Variants in MARCHF1 observed in about 807,000 individuals in gnomAD.
The protein encoded by MARCHF1 is membrane associated ring-CH-type finger 1, also known as E3 ubiquitin-protein ligase MARCHF1.
MARCHF1 carries 40 observed loss-of-function variants against 54.2 expected under a neutral mutation model. The ratio of observed to expected loss-of-function variants is 0.74; its 90% confidence interval spans 0.57 to 0.96. The LOEUF is 0.96. Among genes scored for constraint, MARCHF1 ranks in the 40% least tolerant of loss-of-function variants. The pLI, the probability that MARCHF1 is intolerant of heterozygous loss-of-function variation, is 0.00. For missense variants in MARCHF1, 586 were observed against 656.5 expected, an observed-to-expected ratio of 0.89 and a Z score of 1.17; for synonymous variants, 236 against 236.3, an observed-to-expected ratio of 1.00 and a Z score of 0.01.
In MARCHF1 at chr4:163,620,600, CACACACAGAGAGAGAG is replaced by C. The variant is rs1415956392; in HGVS notation, c.163-7223_163-7208del. On this transcript the variant is annotated intron_variant, in intron 5 of 9. Transcript: ENST00000514618. Reference sequence around the variant, plus strand: ...ACACACACACACACACACACACACACACACACAGAGAGAGAGAGAGAGAGAGAGAGAGAGAGAGAGA... The same window carrying C: ...ACACACACACACACACACACACACACAGAGAGAGAGAGAGAGAGAGAGAGA... Among the ~76,000 whole-genome samples the C allele has an allele frequency of 2.3e-3, 180 of 76,828 alleles. 1 individual carries two copies. Among genetic ancestry groups the C allele is most frequent in the East Asian group, 0.015 (33 of 2,186 alleles). The allele number at this position is 76,828 out of a possible 152,430, so 50.4% of individuals were successfully genotyped here.
chr4:164,070,972 C>T (rs1354188534), intron 2 of MARCHF1, among the ~76,000 whole-genome samples: 3 of 152,158 alleles, frequency 2.0e-5, no homozygotes, highest in Admixed American at 6.5e-5. Flanking sequence ...TCTGCTTTTG[C>T]TTCTTTGTCA....
intron 3 of MARCHF1, among the ~76,000 whole-genome samples, chr4:163,942,753 C>T (rs560393820): frequency 6.6e-6 from 1 of 152,052 alleles, no homozygotes; most frequent in African/African-American, 2.4e-5. Context: ...TTACCTCCCC[C>T]GATCTTTTTA....
chr4:164,103,069 C>A (rs942238866), intron 2 of MARCHF1, among the ~76,000 whole-genome samples: 1 of 91,246 alleles, frequency 1.1e-5, no homozygotes, highest in East Asian at 2.3e-4. Context: ...AGCTAACTAT[C>A]CTAAATATAT....
chr4:163,966,060 T>C (rs1377711083), intron 3 of MARCHF1, among the ~76,000 whole-genome samples: 4 of 152,216 alleles, frequency 2.6e-5, no homozygotes, highest in Non-Finnish European at 5.9e-5. Flanking sequence ...GCTACTGTTA[T>C]AGATGGAACT....
At chr4:163,642,956 T>G (rs1255985703) in intron 5 of MARCHF1, among the ~76,000 whole-genome samples, 1 of 151,770 alleles carries the variant, frequency 6.6e-6, no homozygotes, top group Non-Finnish European at 1.5e-5. Flanking sequence ...TACATACATA[T>G]ACATATGTGT....
At chr4:164,089,071 T>G (rs540017098) in intron 2 of MARCHF1, among the ~76,000 whole-genome samples, 1 of 152,262 alleles carries the variant, frequency 6.6e-6, no homozygotes, top group Non-Finnish European at 1.5e-5. Context: ...TTTCTTACAG[T>G]CACTTAAATT....
At chr4:163,700,017 G>GT (rs1481913391) in intron 5 of MARCHF1, among the ~76,000 whole-genome samples, 2 of 149,218 alleles carry the variant, frequency 1.3e-5, no homozygotes, top group African/African-American at 4.9e-5. Context: ...CCAAACTGAT[G>GT]TTTTTATCAA....
intron 4 of MARCHF1, among the ~76,000 whole-genome samples, chr4:163,744,003 T>A (rs1746285438): frequency 6.6e-6 from 1 of 152,198 alleles, no homozygotes; most frequent in Non-Finnish European, 1.5e-5. Flanking sequence ...TAGTGAGAAG[T>A]GAGAAGTACT....
intron 2 of MARCHF1, among the ~76,000 whole-genome samples, chr4:164,029,732 T>A (rs1579473703): frequency 6.6e-6 from 1 of 152,172 alleles, no homozygotes; most frequent in East Asian, 1.9e-4. Context: ...GTAGCTGACA[T>A]TACAGGTGCG....
intron 3 of MARCHF1, among the ~76,000 whole-genome samples, chr4:163,966,845 C>T (rs1752452875): frequency 6.6e-6 from 1 of 152,022 alleles, no homozygotes; most frequent in South Asian, 2.1e-4. Context: ...TGCAAATCTA[C>T]CAAAAACTAG....
At chr4:163,835,761 T>C (rs1362859911) in intron 4 of MARCHF1, among the ~76,000 whole-genome samples, 1 of 152,250 alleles carries the variant, frequency 6.6e-6, no homozygotes, top group Non-Finnish European at 1.5e-5. Context: ...TGCACTCATA[T>C]ATAGATTTTG....
intron 1 of MARCHF1, among the ~76,000 whole-genome samples, chr4:164,145,868 G>T (rs896605919): frequency 8.7e-6 from 1 of 115,132 alleles, no homozygotes; most frequent in Non-Finnish European, 1.8e-5. Context: ...ATTAGGAAAA[G>T]AGGAAGTCAA....
At position 164,268,578 on chromosome 4, in the gene MARCHF1, C is replaced by G. The variant is rs1409239800; in HGVS notation, c.-323+115292G>C. 2.0e-5 allele frequency among the ~76,000 whole-genome samples: 3 copies of G among 152,056 alleles called. No individual in the cohort carries two copies. The East Asian group carries it at 5.8e-4, about 29-fold the overall frequency. ...CTAAGATCTCTGATATAAAACAGACCTCTTCTGATTTTGTCTAGCTGCTTT... is the reference window on the plus strand; with the variant it reads ...CTAAGATCTCTGATATAAAACAGACGTCTTCTGATTTTGTCTAGCTGCTTT... On this transcript the variant is annotated intron_variant, in intron 1 of 9. Transcript: ENST00000514618.
At chr4:163,715,460 T>A (rs942845135) in intron 4 of MARCHF1, among the ~76,000 whole-genome samples, 5 of 152,190 alleles carry the variant, frequency 3.3e-5, no homozygotes, top group African/African-American at 1.2e-4. Flanking sequence ...GCTTTCAAAA[T>A]GTTACCTGAA....
chr4:163,569,977 T>A (rs550708899), intron 8 of MARCHF1, among the ~76,000 whole-genome samples: 1 of 152,290 alleles, frequency 6.6e-6, no homozygotes, highest in African/African-American at 2.4e-5. Flanking sequence ...TTTATTAACT[T>A]TTTAAAATGA....
At chr4:163,874,418 G>A (rs966633301) in intron 3 of MARCHF1, among the ~76,000 whole-genome samples, 2 of 152,124 alleles carry the variant, frequency 1.3e-5, no homozygotes, top group African/African-American at 4.8e-5. Flanking sequence ...AAAGAGGCAG[G>A]AACAAAGGGA....
At chr4:163,836,125 G>T (rs1749174279) in intron 4 of MARCHF1, among the ~76,000 whole-genome samples, 1 of 152,116 alleles carries the variant, frequency 6.6e-6, no homozygotes, top group Non-Finnish European at 1.5e-5. Flanking sequence ...TTGTCATGGA[G>T]CCCTCTAGAA....
intron 1 of MARCHF1, among the ~76,000 whole-genome samples, chr4:164,274,930 C>A (rs1047245519): frequency 5.9e-5 from 9 of 151,318 alleles, no homozygotes; most frequent in African/African-American, 2.2e-4. Context: ...CCCGCCTCGG[C>A]CTCCCAAAGT....
intron 2 of MARCHF1, among the ~76,000 whole-genome samples, chr4:164,069,505 G>A (rs943020329): frequency 1.3e-5 from 2 of 151,824 alleles, no homozygotes; most frequent in South Asian, 2.1e-4. Context: ...CGAACCCACT[G>A]GGAGGAATGA....
Sources: gnomAD v4.1 joint callset for allele counts (sites outside exome capture counted in the v4.1 genomes callset) on GRCh38, gnomAD v4.1.1 for gene constraint, MANE v1.5 for transcripts, NCBI Gene and HGNC (gene_info 2026-07-23, HGNC 2026-07-21) for gene names.